The following NLGN1 variants were observed in gnomAD, a reference collection of about 807,000 sequenced individuals.
NLGN1 encodes the protein neuroligin 1, also known as neuroligin-1.
NLGN1 carries 12 observed loss-of-function variants against 65.5 expected under a neutral mutation model. That is an observed-to-expected ratio of 0.18 (90% CI 0.12 to 0.30). The LOEUF is 0.30. Ranked by LOEUF, NLGN1 falls within the 10% of genes least tolerant of loss-of-function variation. The pLI is 1.00. For synonymous variants in NLGN1, 350 were observed against 359.5 expected, an observed-to-expected ratio of 0.97 and a Z score of 0.30; for missense variants, 750 against 1,007.1, an observed-to-expected ratio of 0.74 and a Z score of 3.46.
chr3:173,671,174 G>C (rs115545545), intron 3 of NLGN1, among the ~76,000 whole-genome samples: 2 of 152,114 alleles, frequency 1.3e-5, no homozygotes, highest in Non-Finnish European at 2.9e-5. Flanking sequence ...ATTAGAAGAA[G>C]TAGCATAAAA....
At position 174,078,398 on chromosome 3, in the gene NLGN1, A is replaced by G. The variant is rs145263368; in HGVS notation, c.647-196917A>G. 2.4e-3 allele frequency among the ~76,000 whole-genome samples: 369 copies of G among 152,320 alleles called. 2 individuals are homozygous for G. The highest frequency in any genetic ancestry group is 6.8e-3 in the Middle Eastern group (2 of 294). ...TTAATAGTGATCAACTGTCCATTGGAAGGGTTCTAGGCAGAAATTTAGACT... is the reference window on the plus strand; with the variant it reads ...TTAATAGTGATCAACTGTCCATTGGGAGGGTTCTAGGCAGAAATTTAGACT... On this transcript the variant is annotated intron_variant, in intron 4 of 6. Coordinates refer to ENST00000457714, the Ensembl canonical transcript of NLGN1.
At chr3:174,096,159 G>T (rs1431972517) in intron 4 of NLGN1, among the ~76,000 whole-genome samples, 1 of 150,418 alleles carries the variant, frequency 6.6e-6, no homozygotes, top group Non-Finnish European at 1.5e-5. Context: ...GACAAAAATG[G>T]AATTAATGTG....
At chr3:173,648,747 G>T (rs1758672432) in intron 3 of NLGN1, among the ~76,000 whole-genome samples, 1 of 151,900 alleles carries the variant, frequency 6.6e-6, no homozygotes, top group African/African-American at 2.4e-5. Flanking sequence ...GCTAATTTTT[G>T]TATTTTTAGT....
chr3:174,067,345 C>T lies in NLGN1; in HGVS notation c.647-207970C>T, dbSNP rs1450198152. On this transcript the variant is annotated intron_variant, in intron 4 of 6. Coordinates refer to ENST00000457714, the Ensembl canonical transcript of NLGN1. Reference sequence around the variant, plus strand: ...TTGCTGATTATAAAAGCAGTCTGAACTGTAATAACTTTTATTTCTACCAAC... The same window carrying T: ...TTGCTGATTATAAAAGCAGTCTGAATTGTAATAACTTTTATTTCTACCAAC... Among the ~76,000 whole-genome samples, 4 of 152,240 alleles carry T rather than the reference C, an allele frequency of 2.6e-5. No homozygotes were observed. The East Asian group carries it at 7.7e-4, about 29-fold the overall frequency.
At chr3:173,758,616 A>G (rs988014157) in intron 3 of NLGN1, among the ~76,000 whole-genome samples, 1 of 151,984 alleles carries the variant, frequency 6.6e-6, no homozygotes, top group Non-Finnish European at 1.5e-5. Flanking sequence ...ATCTTTCCAG[A>G]CATGTCTTGC....
intron 3 of NLGN1, 145 bp downstream of exon 3, chr3:173,605,738 A>G (rs974470043): frequency 2.5e-4 from 98 of 388,086 alleles, no homozygotes; most frequent in African/African-American, 1.9e-3. Flanking sequence ...AAGGAATATA[A>G]AGGTGTTTAA....
chr3:173,795,054 C>T (rs1713733730), intron 3 of NLGN1, among the ~76,000 whole-genome samples: 2 of 151,764 alleles, frequency 1.3e-5, no homozygotes, highest in Non-Finnish European at 2.9e-5. Context: ...TGTCTTCTTC[C>T]AACACAAAAC....
At chr3:173,451,303 G>A (rs1203937307) in intron 2 of NLGN1, among the ~76,000 whole-genome samples, 1 of 152,232 alleles carries the variant, frequency 6.6e-6, no homozygotes, top group African/African-American at 2.4e-5. Flanking sequence ...CTGCAGGTCA[G>A]TTGGAGTTTA....
chr3:173,936,211 GT>G (rs2152298020), intron 4 of NLGN1, among the ~76,000 whole-genome samples: 1 of 151,658 alleles, frequency 6.6e-6, no homozygotes, highest in South Asian at 2.1e-4. Flanking sequence ...ATTTATTCTA[GT>G]TTTGTAGTTT....
At chr3:173,885,833 T>A (rs1469001499) in intron 4 of NLGN1, among the ~76,000 whole-genome samples, 1 of 152,110 alleles carries the variant, frequency 6.6e-6, no homozygotes, top group East Asian at 1.9e-4. Context: ...AAATATTCAT[T>A]ACTTAATGGA....
chr3:173,641,641 C>T (rs966629463), intron 3 of NLGN1, among the ~76,000 whole-genome samples: 1 of 152,128 alleles, frequency 6.6e-6, no homozygotes, highest in South Asian at 2.1e-4. Context: ...TACTTTGTTG[C>T]CTCAAACTGA....
chr3:174,076,298 ATATT>A (rs547088191), intron 4 of NLGN1, among the ~76,000 whole-genome samples: 14 of 152,236 alleles, frequency 9.2e-5, no homozygotes, highest in East Asian at 5.8e-4. Flanking sequence ...TGTTTTATAT[ATATT>A]TATTTATTTA....
chr3:173,505,936 A>G (rs991150301), intron 2 of NLGN1, among the ~76,000 whole-genome samples: 8 of 152,242 alleles, frequency 5.3e-5, no homozygotes, highest in Middle Eastern at 3.4e-3. Flanking sequence ...GTATGTATAT[A>G]TGTTTAATGA....
At chr3:174,016,893 G>A (rs1274444779) in intron 4 of NLGN1, among the ~76,000 whole-genome samples, 2 of 152,080 alleles carry the variant, frequency 1.3e-5, no homozygotes, top group Non-Finnish European at 2.9e-5. Flanking sequence ...ATTTTTGCCA[G>A]AAACATTGGA....
intron 2 of NLGN1, among the ~76,000 whole-genome samples, chr3:173,558,978 T>G (rs142822545): frequency 1.1e-3 from 171 of 152,252 alleles, no homozygotes; most frequent in African/African-American, 3.8e-3. Context: ...GGTCAGAATT[T>G]TTTTGGTTGA....
chr3:174,235,581 A>C (rs1234741200), intron 4 of NLGN1, among the ~76,000 whole-genome samples: 1 of 152,166 alleles, frequency 6.6e-6, no homozygotes, highest in Non-Finnish European at 1.5e-5. Context: ...AGACATAGAA[A>C]AAGTAAAACA....
intron 3 of NLGN1, among the ~76,000 whole-genome samples, chr3:173,649,347 GTTACAAGTTACATTTTGTAACTA>G (rs1321101647): frequency 4.6e-5 from 7 of 151,940 alleles, no homozygotes; most frequent in Admixed American, 3.3e-4. Context: ...ACTATTACAT[GTTACAAGTTACATTTTGTAACTA>G]TTACAAGTTA....
intron 3 of NLGN1, among the ~76,000 whole-genome samples, chr3:173,616,296 T>C (rs1456530201): frequency 6.6e-6 from 1 of 152,086 alleles, no homozygotes; most frequent in African/African-American, 2.4e-5. Flanking sequence ...CTTCCTAATC[T>C]CACTTTGCCA....
chr3:173,605,577 A>T, intron 3 of NLGN1: 1 of 1,285,660 alleles, frequency 7.8e-7, no homozygotes, highest in South Asian at 1.2e-5. Context: ...CCGGCAAGAA[A>T]ATATGTAGAA....
Sources: gnomAD v4.1 joint callset for allele counts (sites outside exome capture counted in the v4.1 genomes callset) on GRCh38, gnomAD v4.1.1 for gene constraint, MANE v1.5 for transcripts, NCBI Gene and HGNC (gene_info 2026-07-23, HGNC 2026-07-21) for gene names.